The following CHST11 variants were observed in gnomAD, a reference collection of about 807,000 sequenced individuals.
CHST11 encodes carbohydrate sulfotransferase 11.
A neutral mutation model predicts 30.4 loss-of-function variants in CHST11; 9 were observed. The observed-to-expected ratio is 0.30, with a 90% CI of 0.18 to 0.52. The LOEUF is 0.52. CHST11 is among the 20% of genes least tolerant of loss of function. The pLI, the probability that CHST11 is intolerant of heterozygous loss-of-function variation, is 0.97. For missense variants in CHST11, 348 were observed against 460.6 expected (o/e 0.76, Z 2.24); for synonymous variants, 152 against 187.8 (o/e 0.81, Z 1.56).
intron 1 of CHST11, among the ~76,000 whole-genome samples, chr12:104,561,777 T>C (rs1232036403): frequency 1.3e-5 from 2 of 149,896 alleles, no homozygotes; most frequent in Non-Finnish European, 2.9e-5. Flanking sequence ...ACTGCGTAGG[T>C]CCCATTATTA....
chr12:104,688,924 C>G (rs1335309847), intron 2 of CHST11, among the ~76,000 whole-genome samples: 3 of 152,152 alleles, frequency 2.0e-5, no homozygotes, highest in Non-Finnish European at 4.4e-5. Flanking sequence ...AGTTCGAGAC[C>G]AGCCTGGGCA....
chr12:104,570,693 CTT>C (rs55750051), intron 1 of CHST11, among the ~76,000 whole-genome samples: 5 of 141,328 alleles, frequency 3.5e-5, no homozygotes. Flanking sequence ...AGCCACTGCA[CTT>C]TTTTTTTTTT....
chr12:104,684,813 T>C (rs2039831662), intron 2 of CHST11, among the ~76,000 whole-genome samples: 1 of 152,134 alleles, frequency 6.6e-6, no homozygotes, highest in Non-Finnish European at 1.5e-5. Context: ...CCTCCCAAAG[T>C]GCTGGGATTA....
chr12:104,746,353 T>C (rs1439778151), intron 2 of CHST11, among the ~76,000 whole-genome samples: 1 of 152,214 alleles, frequency 6.6e-6, no homozygotes, highest in Non-Finnish European at 1.5e-5. Flanking sequence ...AACAACCCTT[T>C]CTCATTGCTC....
At chr12:104,522,424 G>A (rs11112088) in intron 1 of CHST11, among the ~76,000 whole-genome samples, 31,595 of 152,152 alleles carry the variant, frequency 0.21, 4,202 homozygotes, top group East Asian at 0.42. Flanking sequence ...GTGGAGGTCC[G>A]AGCTTTCAAG....
At chr12:104,485,605 A>C (rs1370884022) in intron 1 of CHST11, among the ~76,000 whole-genome samples, 1 of 152,238 alleles carries the variant, frequency 6.6e-6, no homozygotes, top group Admixed American at 6.5e-5. Flanking sequence ...ACAATGGCAG[A>C]AACAATCGGT....
At chr12:104,512,888 A>G (rs181898237) in intron 1 of CHST11, among the ~76,000 whole-genome samples, 144 of 152,244 alleles carry the variant, frequency 9.5e-4, no homozygotes, top group African/African-American at 3.3e-3. Context: ...GGTTTCACCA[A>G]TCAGCATATC....
intron 1 of CHST11, among the ~76,000 whole-genome samples, chr12:104,462,205 GAA>G (rs1478346059): frequency 7.6e-6 from 1 of 130,888 alleles, no homozygotes; most frequent in African/African-American, 2.9e-5. Flanking sequence ...AAGAAAAAAA[GAA>G]AATTTAGGAG....
chr12:104,652,000 A>T (rs1036755439), intron 2 of CHST11, among the ~76,000 whole-genome samples: 2 of 152,140 alleles, frequency 1.3e-5, no homozygotes, highest in African/African-American at 4.8e-5. Flanking sequence ...TGGCTGGGTG[A>T]CGTTAGACAA....
At chr12:104,614,698 T>TGTGC (rs1325351861) in intron 2 of CHST11, among the ~76,000 whole-genome samples, 1 of 151,202 alleles carries the variant, frequency 6.6e-6, no homozygotes, top group East Asian at 2.0e-4. Flanking sequence ...CATGCTTGTG[T>TGTGC]GTGTGTGTGT....
At chr12:104,500,542 T>TTTA (rs75847065) in intron 1 of CHST11, among the ~76,000 whole-genome samples, 3 of 152,046 alleles carry the variant, frequency 2.0e-5, no homozygotes, top group African/African-American at 7.3e-5. Flanking sequence ...GTTTGGTATT[T>TTTA]CTCTGTGAAA....
chr12:104,541,640 G>C (rs185665689), intron 1 of CHST11, among the ~76,000 whole-genome samples: 3 of 152,246 alleles, frequency 2.0e-5, no homozygotes, highest in Admixed American at 1.3e-4. Context: ...GAATGAATTT[G>C]TCTGAATTTT....
At chr12:104,482,116 T>C (rs574533713) in intron 1 of CHST11, among the ~76,000 whole-genome samples, 8 of 152,078 alleles carry the variant, frequency 5.3e-5, no homozygotes, top group Admixed American at 1.3e-4. Context: ...CTCCCCAGGA[T>C]TGTTTTCTTG....
chr12:104,510,613 CT>C (rs1456547656), intron 1 of CHST11, among the ~76,000 whole-genome samples: 1 of 152,202 alleles, frequency 6.6e-6, no homozygotes, highest in Non-Finnish European at 1.5e-5. Context: ...CAAAACTTTG[CT>C]CCTTGCTCCT....
At chr12:104,587,963 T>C (rs2038822318) in intron 1 of CHST11, among the ~76,000 whole-genome samples, 2 of 151,962 alleles carry the variant, frequency 1.3e-5, no homozygotes, top group South Asian at 4.1e-4. Flanking sequence ...TCAAATCAAA[T>C]AAATTGTTCA....
chr12:104,558,548 G>GC (rs947328528), intron 1 of CHST11, among the ~76,000 whole-genome samples: 4 of 52,758 alleles, frequency 7.6e-5, no homozygotes, highest in African/African-American at 3.1e-4. Context: ...TCCCCCCCCC[G>GC]CCCCCCCGAG....
At chr12:104,533,748 G>A (rs991900144) in intron 1 of CHST11, among the ~76,000 whole-genome samples, 10 of 152,216 alleles carry the variant, frequency 6.6e-5, no homozygotes, top group Admixed American at 6.5e-5. Context: ...CAGTGGAAAC[G>A]TAGGAGCTGG....
chr12:104,670,471 CCA>C (rs199670859), intron 2 of CHST11, among the ~76,000 whole-genome samples: 38 of 150,262 alleles, frequency 2.5e-4, no homozygotes, highest in African/African-American at 8.0e-4. Flanking sequence ...ATGTTCAGAC[CCA>C]CACACACACA....
chr12:104,502,553 G>A (rs1330216560), intron 1 of CHST11, among the ~76,000 whole-genome samples: 1 of 152,142 alleles, frequency 6.6e-6, no homozygotes, highest in Non-Finnish European at 1.5e-5. Context: ...CACTCCCTCT[G>A]AAATTAGTCC....
Sources: gnomAD v4.1 joint callset for allele counts (sites outside exome capture counted in the v4.1 genomes callset) on GRCh38, gnomAD v4.1.1 for gene constraint, MANE v1.5 for transcripts, NCBI Gene and HGNC (gene_info 2026-07-23, HGNC 2026-07-21) for gene names.